Variants in QRICH2 observed in about 807,000 individuals in gnomAD.
The protein encoded by QRICH2 is glutamine-rich protein 2.
Under a neutral mutation model 168.3 loss-of-function variants are expected in QRICH2, and 119 were observed. The ratio of observed to expected loss-of-function variants is 0.71; its 90% CI spans 0.61 to 0.82. QRICH2 has a LOEUF of 0.82. QRICH2 is among the 40% of genes least tolerant of loss of function. QRICH2 has a pLI of 0.00. For missense variants in QRICH2, 2,241 were observed against 2,491.6 expected (o/e 0.90, Z 2.14); for synonymous variants, 894 against 951.2 (o/e 0.94, Z 1.11).
rs780667055 is a variant in QRICH2, at chr17:76,293,752, T to C, written c.975A>G (p.Pro325=). ...GGAATGTAGAAGACTGATGGAGTCG[T>C]GGCACGCCAGCTTCATCACGGGCCC... is the stretch of plus-strand genomic sequence containing the variant. ...QPRARDEAGV[P]RLHQSSTFQF... is the part of the protein sequence containing the mutation. Residue 325 remains proline (P), a synonymous_variant, in exon 4 of 19, where the codon CCA becomes CCG. Transcript: ENST00000680821. 1.9e-6 allele frequency: 3 copies of C among 1,614,034 alleles called. No individual in the cohort carries two copies. Among genetic ancestry groups the C allele is most frequent in the Admixed American group, 3.3e-5 (2 of 60,004 alleles).
intron 18 of QRICH2, 31 bp downstream of exon 18, chr17:76,275,766 CGGCAGGGCCAGCGGGGAGGCCT>C: frequency 6.3e-7 from 1 of 1,583,142 alleles, no homozygotes; most frequent in South Asian, 1.1e-5. Context: ...GAAAGGGGGC[CGGCAGGGCCAGCGGGGAGGCCT>C]GGCAGGACGC....
At chr17:76,299,649 A>T (rs538011720) in intron 3 of QRICH2, among the ~76,000 whole-genome samples, 1 of 151,980 alleles carries the variant, frequency 6.6e-6, no homozygotes, top group South Asian at 2.1e-4. Flanking sequence ...AGGCAGGAGA[A>T]TCATTTGAAC....
At position 76,306,465 on chromosome 17, in the gene QRICH2, C is replaced by T. The variant is rs567609191; in HGVS notation, c.534+1000G>A. ...CTTCTGCTTTTTCTTTCAGAACCAA[C>T]CTAAGGTGGCTCTGAGACATGCACG... On this transcript the variant is annotated intron_variant, in intron 1 of 18. Coordinates refer to ENST00000680821, the MANE Select transcript of QRICH2 (RefSeq NM_001388453.1). Among the ~76,000 whole-genome samples the T allele has an allele frequency of 9.2e-5, 14 of 152,266 alleles. 1 individual carries two copies. In the South Asian group the frequency reaches 2.9e-3, roughly 32 times the overall value.
chr17:76,303,174 G>A (rs1413941131), intron 3 of QRICH2, among the ~76,000 whole-genome samples: 2 of 152,034 alleles, frequency 1.3e-5, no homozygotes, highest in South Asian at 2.1e-4. Flanking sequence ...TGGAGCCACC[G>A]CGCCCGGCCC....
chr17:76,290,024 G>A lies in QRICH2; in HGVS notation c.3766C>T (p.Leu1256=), dbSNP rs771982483. 1.2e-6 allele frequency: 2 copies of A among 1,612,084 alleles called. No homozygotes were observed. Among genetic ancestry groups the A allele is most frequent in the Admixed American group, 3.3e-5 (2 of 59,946 alleles). ...TTCTCCTGCCAAACTTCTTTGGCTA[G>A]CGTCTTTACGGTCTTCAGCTGCTCC... ...LQEQLKTVKT[L]AKEVWQEKAK... is the part of the protein sequence containing the mutation. Residue 1256 remains leucine, a synonymous_variant, in exon 5 of 19, where the codon CTA becomes TTA. Coordinates refer to ENST00000680821, the MANE Select transcript of QRICH2 (RefSeq NM_001388453.1).
intron 3 of QRICH2, among the ~76,000 whole-genome samples, chr17:76,300,978 C>T (rs757656634): frequency 2.6e-5 from 4 of 151,930 alleles, no homozygotes; most frequent in African/African-American, 2.4e-5. Context: ...CACTTGAGCT[C>T]GGGAGGTGGA....
In QRICH2 at chr17:76,307,575, G is replaced by T; in HGVS notation, c.424C>A (p.Leu142Met). 1 of 1,570,136 alleles carries T rather than the reference G, an allele frequency of 6.4e-7. No homozygotes were observed. The highest frequency in any genetic ancestry group is 1.2e-5 in the South Asian group (1 of 85,552). ...QHFSQASGLDLAALEWPEEQE... is the reference protein window; with the variant it reads ...QHFSQASGLDMAALEWPEEQE... Reference sequence around the variant, plus strand: ...TCCTCCGGCCACTCTAGCGCGGCCAGGTCAAGCCCGCTGGCCTGGGAGAAG... The same window carrying T: ...TCCTCCGGCCACTCTAGCGCGGCCATGTCAAGCCCGCTGGCCTGGGAGAAG... The change falls in exon 1 of 19, where the codon CTG becomes ATG. Residue 142 changes from leucine to methionine, a missense_variant. Around this residue, in one of 3 missense-constraint regions of QRICH2, gnomAD observed 2,047 missense variants for 2,303.8 expected, o/e 0.89. Transcript: ENST00000680821. This position sits in a 1 kb window ranked among gnomAD's most constrained non-coding sequence, Gnocchi z 5.3.
rs772464864 is a variant in QRICH2, at chr17:76,293,091, C to A, written c.1636G>T (p.Asp546Tyr). Residue 546 changes from aspartate (D) to tyrosine (Y), a missense_variant, in exon 4 of 19, where the codon GAT becomes TAT. Coordinates refer to ENST00000680821, the MANE Select transcript of QRICH2 (RefSeq NM_001388453.1). ...CTGGGCTGCACAAAACCTTGCTGAT[C>A]TGCACTAATTGGCATCAAACCAGGT... ...VSPGLMPISA[D>Y]QQGFVQPSLE... 2 of 1,614,248 alleles carry A rather than the reference C, an allele frequency of 1.2e-6. No homozygotes were observed. Among genetic ancestry groups the A allele is most frequent in the Admixed American group, 3.3e-5 (2 of 60,026 alleles).
chr17:76,307,484 T>C lies in QRICH2; in HGVS notation c.515A>G (p.Glu172Gly). 6.2e-7 allele frequency: 1 copy of C among 1,613,790 alleles called. No homozygotes were observed. The highest frequency in any genetic ancestry group is 8.5e-7 in the Non-Finnish European group (1 of 1,179,832). The change falls in exon 1 of 19, where the codon GAG becomes GGG. Residue 172 changes from glutamate (E) to glycine (G), a missense_variant. By Grantham distance (98) the Glu-to-Gly change is moderately conservative. Around this residue, in one of 3 missense-constraint regions of QRICH2, gnomAD observed 2,047 missense variants for 2,303.8 expected, o/e 0.89. Transcript: ENST00000680821. This position sits in a 1 kb window ranked among gnomAD's most constrained non-coding sequence, Gnocchi z 5.3. ...GCTCACCCTGGCAAAGCTGAGCTCCTCGGCGGCGTCCTTCATGATACTCCC... is the reference window on the plus strand; with the variant it reads ...GCTCACCCTGGCAAAGCTGAGCTCCCCGGCGGCGTCCTTCATGATACTCCC... Reference protein sequence around the residue: ...RTGSIMKDAAEELSFARVLLQ... With the variant: ...RTGSIMKDAAGELSFARVLLQ...
intron 3 of QRICH2, 112 bp downstream of exon 3, chr17:76,304,303 T>C (rs1567790402): frequency 1.5e-6 from 1 of 662,342 alleles, no homozygotes; most frequent in Non-Finnish European, 2.6e-6. Flanking sequence ...CCCATATCAA[T>C]GAAACTTGCG....
chr17:76,293,975 G>A lies in QRICH2; in HGVS notation c.752C>T (p.Ser251Phe). 1 of 1,613,498 alleles carries A rather than the reference G, an allele frequency of 6.2e-7. No individual in the cohort carries two copies. Residue 251 changes from serine to phenylalanine, a missense_variant, in exon 4 of 19, where the codon TCC becomes TTC. By Grantham distance (155) the Ser-to-Phe change is radical. Transcript: ENST00000680821. ...MGFSKHGGFTSLTSPEGTLSG... is the reference protein window; with the variant it reads ...MGFSKHGGFTFLTSPEGTLSG... ...TAGAGTCCCTTCAGGTGATGTTAAG[G>A]AAGTGAACCCTCCGTGCTTAGAAAA...
At chr17:76,274,954 C>T (rs2070647754) in intron 18 of QRICH2, among the ~76,000 whole-genome samples, 1 of 152,102 alleles carries the variant, frequency 6.6e-6, no homozygotes, top group Admixed American at 6.5e-5. Flanking sequence ...TGTGGGGGGC[C>T]CTGGATGATG....
In QRICH2 at chr17:76,286,005, T is replaced by A. The variant is rs1015289618; in HGVS notation, c.4011+1187A>T. On this transcript the variant is annotated intron_variant, in intron 7 of 18. Transcript: ENST00000680821. ...GGCTAACACAGTGAAACCCCGTCTCTGCTAAAAATATTTTGAAAAATTAGC... is the reference window on the plus strand; with the variant it reads ...GGCTAACACAGTGAAACCCCGTCTCAGCTAAAAATATTTTGAAAAATTAGC... 2.6e-5 allele frequency among the ~76,000 whole-genome samples: 4 copies of A among 152,102 alleles called. No homozygotes were observed. In the South Asian group the frequency reaches 8.3e-4, roughly 32 times the overall value.
intron 17 of QRICH2, among the ~76,000 whole-genome samples, chr17:76,276,273 A>C (rs960635572): frequency 1.3e-5 from 2 of 152,154 alleles, no homozygotes; most frequent in African/African-American, 2.4e-5. Flanking sequence ...CATGATGGGA[A>C]GTGACAAAGC....
Position 76,292,264 on chromosome 17 carries a change from C to T in QRICH2, c.2463G>A (p.Leu821=), listed in dbSNP as rs990148777. Residue 821 remains leucine (L), a synonymous_variant, in exon 4 of 19, where the codon TTG becomes TTA. Coordinates refer to ENST00000680821, the MANE Select transcript of QRICH2 (RefSeq NM_001388453.1). ...LVQPGAVQRG[L]VQPGVDQRGL... ...CACGCTGATCCACTCCAGGTTGGAC[C>T]AAACCACGCTGAACTGCACCAGGTT... 1.2e-6 allele frequency: 2 copies of T among 1,605,394 alleles called. No individual in the cohort carries two copies. Among genetic ancestry groups the T allele is most frequent in the Non-Finnish European group, 1.7e-6 (2 of 1,176,474 alleles).
chr17:76,282,029 G>A lies in QRICH2; in HGVS notation c.4098C>T (p.His1366=). 2 of 1,613,696 alleles carry A rather than the reference G, an allele frequency of 1.2e-6. No individual in the cohort carries two copies. The highest frequency in any genetic ancestry group is 2.2e-5 in the East Asian group (1 of 44,876). ...LSMSMAPHKA[H]TLAPGQIDPE... ...GGTCGATCTGGCCAGGAGCCAAGGTGTGGGCCTTGTGCGGGGCCATGCTCA... is the reference window on the plus strand; with the variant it reads ...GGTCGATCTGGCCAGGAGCCAAGGTATGGGCCTTGTGCGGGGCCATGCTCA... The change falls in exon 8 of 19, where the codon CAC becomes CAT. Residue 1366 remains histidine, a synonymous_variant. Coordinates refer to ENST00000680821, the MANE Select transcript of QRICH2 (RefSeq NM_001388453.1).
chr17:76,291,560 G>C lies in QRICH2; in HGVS notation c.3167C>G (p.Thr1056Arg). The C allele has an allele frequency of 6.2e-7, 1 of 1,614,148 alleles. No individual in the cohort carries two copies. Among genetic ancestry groups the C allele is most frequent in the Non-Finnish European group, 8.5e-7 (1 of 1,180,024 alleles). ...TYQQGLMHPG[T>R]DQHSPIPLST... ...CAGTGGTATTGGGCTGTGCTGGTCT[G>C]TGCCAGGATGCATCAAACCTTGCTG... Residue 1056 changes from threonine (T) to arginine (R), a missense_variant, in exon 4 of 19, where the codon ACA becomes AGA. Coordinates refer to ENST00000680821, the MANE Select transcript of QRICH2 (RefSeq NM_001388453.1).
At position 76,293,508 on chromosome 17, in the gene QRICH2, T is replaced by G. The variant is rs1209982003; in HGVS notation, c.1219A>C (p.Thr407Pro). Reference sequence around the variant, plus strand: ...AGGGGTACCACACCATGTGGGTAAGTGCTAGCAGGCACTAATCCAGGCTGA... The same window carrying G: ...AGGGGTACCACACCATGTGGGTAAGGGCTAGCAGGCACTAATCCAGGCTGA... ...MNQPGLVPAS[T>P]YPHGVVPLSM... The change falls in exon 4 of 19, where the codon ACT (threonine) becomes CCT (proline). Residue 407 changes from threonine (T) to proline (P), a missense_variant. Around this residue, in one of 3 missense-constraint regions of QRICH2, gnomAD observed 2,047 missense variants for 2,303.8 expected, o/e 0.89. Coordinates refer to ENST00000680821, the MANE Select transcript of QRICH2 (RefSeq NM_001388453.1). 6.2e-7 allele frequency: 1 copy of G among 1,614,192 alleles called. No homozygotes were observed. The highest frequency in any genetic ancestry group is 1.1e-5 in the South Asian group (1 of 91,088).
chr17:76,295,939 C>T (rs1568122442), intron 3 of QRICH2, among the ~76,000 whole-genome samples: 1 of 151,812 alleles, frequency 6.6e-6, no homozygotes. Context: ...AAAAACAAAA[C>T]TGAGGCTGGG....
Sources: gnomAD v4.1 joint callset for allele counts (sites outside exome capture counted in the v4.1 genomes callset) on GRCh38, gnomAD v4.1.1 for gene constraint, gnomAD v4.1.1 regional missense constraint, Gnocchi (gnomAD v3.1) non-coding constraint, MANE v1.5 for transcripts, NCBI Gene and HGNC (gene_info 2026-07-23, HGNC 2026-07-21) for gene names.